P2RY14: variants seen among roughly 807,000 people sequenced by gnomAD.
P2RY14 encodes purinergic receptor P2Y14.
Under a neutral mutation model 0.9 loss-of-function variants are expected in P2RY14, and 2 were observed. The ratio of observed to expected loss-of-function variants is 2.16; its 90% CI spans 0.88 to 6.79. The LOEUF is 6.79. Among genes scored for constraint, P2RY14 ranks in the 30% most tolerant of loss-of-function variants. The pLI, the probability that P2RY14 is intolerant of heterozygous loss-of-function variation, is 0.05. For synonymous variants in P2RY14, 158 were observed against 147.2 expected, an observed-to-expected ratio of 1.07 and a Z score of -0.53; for missense variants, 378 against 400.1, an observed-to-expected ratio of 0.94 and a Z score of 0.47.
intron 1 of P2RY14, among the ~76,000 whole-genome samples, chr3:151,247,076 C>G (rs1370773518): frequency 2.0e-5 from 3 of 152,184 alleles, no homozygotes; most frequent in Non-Finnish European, 4.4e-5. Flanking sequence ...CCATCTCACA[C>G]CAGTTAGATT....
chr3:151,277,717 G>A (rs1409762315), intron 1 of P2RY14, among the ~76,000 whole-genome samples: 1 of 152,188 alleles, frequency 6.6e-6, no homozygotes, highest in Non-Finnish European at 1.5e-5. Context: ...TCAAATATTT[G>A]CTATGCCTAG....
chr3:151,231,917 A>G (rs1448805250), intron 1 of P2RY14, among the ~76,000 whole-genome samples: 1 of 152,182 alleles, frequency 6.6e-6, no homozygotes, highest in African/African-American at 2.4e-5. Context: ...ACAAAGTGTT[A>G]TGTTTGTATG....
At chr3:151,226,871 A>G (rs1233484974) in intron 1 of P2RY14, among the ~76,000 whole-genome samples, 1 of 152,216 alleles carries the variant, frequency 6.6e-6, no homozygotes, top group Admixed American at 6.5e-5. Flanking sequence ...TCGGACTATC[A>G]TGAATGGTGA....
intron 1 of P2RY14, among the ~76,000 whole-genome samples, chr3:151,249,658 C>T (rs1294308036): frequency 1.3e-5 from 2 of 152,152 alleles, no homozygotes; most frequent in South Asian, 2.1e-4. Context: ...CATTTCCAGC[C>T]TTGAATGGGG....
chr3:151,275,992 G>A (rs555553218), intron 1 of P2RY14, among the ~76,000 whole-genome samples: 1 of 152,256 alleles, frequency 6.6e-6, no homozygotes, highest in East Asian at 1.9e-4. Context: ...CCAATGAAAT[G>A]CCTTCTTAGC....
intron 1 of P2RY14, among the ~76,000 whole-genome samples, chr3:151,242,444 C>T (rs1734375923): frequency 6.6e-6 from 1 of 152,148 alleles, no homozygotes. Flanking sequence ...GGCAGACTGC[C>T]TCCTCAAGTG....
intron 1 of P2RY14, among the ~76,000 whole-genome samples, chr3:151,225,874 T>C (rs959302713): frequency 2.6e-5 from 4 of 152,226 alleles, no homozygotes; most frequent in African/African-American, 9.6e-5. Context: ...CTGACCTCTT[T>C]GCTTGCAGTT....
At chr3:151,275,057 G>A (rs1411073918) in intron 1 of P2RY14, among the ~76,000 whole-genome samples, 2 of 152,276 alleles carry the variant, frequency 1.3e-5, no homozygotes, top group Admixed American at 6.5e-5. Context: ...TCAGCAACAG[G>A]TGAGTTCTTT....
At chr3:151,246,418 CAG>C (rs1259622086) in intron 1 of P2RY14, among the ~76,000 whole-genome samples, 2 of 152,040 alleles carry the variant, frequency 1.3e-5, no homozygotes, top group Non-Finnish European at 2.9e-5. Flanking sequence ...GGTACCAAAA[CAG>C]AGATATAGAT....
chr3:151,255,050 G>A (rs1431842724), intron 1 of P2RY14, among the ~76,000 whole-genome samples: 2 of 151,960 alleles, frequency 1.3e-5, no homozygotes, highest in Non-Finnish European at 2.9e-5. Context: ...CTCATAATAA[G>A]CGAGGCCTTT....
chr3:151,254,513 C>A (rs564598940), intron 1 of P2RY14, among the ~76,000 whole-genome samples: 2 of 152,206 alleles, frequency 1.3e-5, no homozygotes, highest in African/African-American at 2.4e-5. Flanking sequence ...GATATGTAAA[C>A]ATGCTATATA....
At chr3:151,261,967 T>C (rs1222926092) in intron 1 of P2RY14, among the ~76,000 whole-genome samples, 1 of 152,144 alleles carries the variant, frequency 6.6e-6, no homozygotes, top group Admixed American at 6.5e-5. Context: ...CCTCAAGTGA[T>C]TGACCCGCCT....
chr3:151,246,136 G>A (rs1257693843), intron 1 of P2RY14, among the ~76,000 whole-genome samples: 1 of 152,078 alleles, frequency 6.6e-6, no homozygotes, highest in African/African-American at 2.4e-5. Flanking sequence ...CAAACAAATG[G>A]AAGAACATTC....
intron 1 of P2RY14, among the ~76,000 whole-genome samples, chr3:151,246,974 C>G (rs1204547270): frequency 6.6e-6 from 1 of 152,194 alleles, no homozygotes; most frequent in Non-Finnish European, 1.5e-5. Flanking sequence ...CGAACAGACA[C>G]TTCTCAAAAG....
At chr3:151,228,475 A>G (rs1730985345) in intron 1 of P2RY14, among the ~76,000 whole-genome samples, 1 of 151,962 alleles carries the variant, frequency 6.6e-6, no homozygotes, top group Non-Finnish European at 1.5e-5. Flanking sequence ...CTTTAAGTTG[A>G]TTTAAGTTGA....
At position 151,269,835 on chromosome 3, in the gene P2RY14, C is replaced by T. The variant is rs534877470; in HGVS notation, c.-133+8452G>A. The T allele has an allele frequency of 1.2e-4, 52 of 440,448 alleles. 2 individuals are homozygous for T. Among genetic ancestry groups the T allele is most frequent in the South Asian group, 7.5e-4 (45 of 59,760 alleles). 27.3% of individuals were successfully genotyped at this position (440,448 alleles called of 1,614,324 possible). On this transcript the variant is annotated intron_variant, in intron 1 of 2. Coordinates refer to ENST00000309170, the MANE Select transcript of P2RY14 (RefSeq NM_014879.4). ...ATATAATGAAAACGTTCCAGTCAAACGCAGAGTAAAGTCAGCAGGAAGAGG... is the reference window on the plus strand; with the variant it reads ...ATATAATGAAAACGTTCCAGTCAAATGCAGAGTAAAGTCAGCAGGAAGAGG...
chr3:151,233,380 A>T (rs1371471650), intron 1 of P2RY14, among the ~76,000 whole-genome samples: 2 of 152,218 alleles, frequency 1.3e-5, no homozygotes, highest in Non-Finnish European at 2.9e-5. Context: ...TTTCTTTTCA[A>T]TGGAATGTTT....
intron 2 of P2RY14, among the ~76,000 whole-genome samples, chr3:151,218,097 G>T (rs1305419124): frequency 6.6e-6 from 1 of 152,114 alleles, no homozygotes; most frequent in East Asian, 1.9e-4. Context: ...CTCATACAGG[G>T]ACCTACAGAA....
At chr3:151,265,487 T>G (rs1577174409) in intron 1 of P2RY14, among the ~76,000 whole-genome samples, 1 of 152,298 alleles carries the variant, frequency 6.6e-6, no homozygotes, top group South Asian at 2.1e-4. Context: ...TTCGAGTCTT[T>G]ATTCTCAACT....
Sources: allele counts gnomAD v4.1 joint callset (sites outside exome capture counted in the v4.1 genomes callset), GRCh38; gene constraint gnomAD v4.1.1; transcripts MANE v1.5; gene names NCBI Gene and HGNC (gene_info 2026-07-23, HGNC 2026-07-21).